TTC39C: variants seen among roughly 807,000 people sequenced by gnomAD.
The protein encoded by TTC39C is tetratricopeptide repeat protein 39C.
A neutral mutation model predicts 76.3 loss-of-function variants in TTC39C; 33 were observed. The observed-to-expected ratio is 0.43, with a 90% CI of 0.33 to 0.58. The LOEUF is 0.58. Among genes scored for constraint, TTC39C ranks in the 20% least tolerant of loss-of-function variants. The pLI is 0.04. For missense variants in TTC39C, 595 were observed against 701.4 expected (o/e 0.85, Z 1.71); for synonymous variants, 254 against 260.6 (o/e 0.97, Z 0.24).
intron 12 of TTC39C, among the ~76,000 whole-genome samples, chr18:24,131,611 C>T (rs904749931): frequency 3.3e-5 from 5 of 150,558 alleles, no homozygotes; most frequent in African/African-American, 1.2e-4. Flanking sequence ...GAGGCTAAGG[C>T]AGGAGAATTG....
At chr18:24,131,571 T>A (rs1418211806) in intron 12 of TTC39C, among the ~76,000 whole-genome samples, 1 of 151,992 alleles carries the variant, frequency 6.6e-6, no homozygotes, top group Admixed American at 6.6e-5. Flanking sequence ...CTGGGCATAG[T>A]GGCAGGTGCC....
chr18:24,080,508 T>A, intron 4 of TTC39C, 77 bp from the exon 5 acceptor site: 1 of 1,127,122 alleles, frequency 8.9e-7, no homozygotes, highest in Non-Finnish European at 1.2e-6. Context: ...TTCAGGTTAC[T>A]GTTCAGTATC....
chr18:23,995,463 C>CT (rs1450584478), intron 1 of TTC39C, among the ~76,000 whole-genome samples: 2 of 151,978 alleles, frequency 1.3e-5, no homozygotes, highest in African/African-American at 4.8e-5. Context: ...GAGTGAGACT[C>CT]TGTCTCTAAA....
rs2085038242 is a variant in TTC39C at position 24,125,504 on chromosome 18, A to G, written c.1374A>G (p.Lys458=). The change falls in exon 10 of 14, where the codon AAA becomes AAG. Residue 458 remains lysine (K), a synonymous_variant. Coordinates refer to ENST00000317571, the MANE Select transcript of TTC39C (RefSeq NM_001135993.2). ...CTATTGAAGTGTTGTACTTGTGGAA[A>G]GCTCTTCCAAACTGTTCCTTCCCCA... ...LASIEVLYLW[K]ALPNCSFPNL... 2 of 1,614,072 alleles carry G rather than the reference A, an allele frequency of 1.2e-6. No individual in the cohort carries two copies. The highest frequency in any genetic ancestry group is 1.3e-5 in the African/African-American group (1 of 74,922).
intron 4 of TTC39C, among the ~76,000 whole-genome samples, chr18:24,077,582 A>T (rs993174054): frequency 2.0e-5 from 3 of 151,864 alleles, no homozygotes; most frequent in African/African-American, 7.3e-5. Context: ...ATTAGGCGGG[A>T]TTGGACAATG....
At chr18:24,083,154 G>A in intron 6 of TTC39C, 73 bp downstream of exon 6, 1 of 1,443,916 alleles carries the variant, frequency 6.9e-7, no homozygotes, top group Non-Finnish European at 9.3e-7. Flanking sequence ...TTGAGGACTG[G>A]TATTAAAACG....
At chr18:24,110,375 A>G (rs561928900) in intron 6 of TTC39C, among the ~76,000 whole-genome samples, 1 of 152,340 alleles carries the variant, frequency 6.6e-6, no homozygotes, top group Non-Finnish European at 1.5e-5. Context: ...GTGTGCTGTT[A>G]TAAGTATTTT....
intron 5 of TTC39C, among the ~76,000 whole-genome samples, chr18:24,082,336 C>G (rs569092622): frequency 1.3e-5 from 2 of 152,054 alleles, no homozygotes; most frequent in Non-Finnish European, 2.9e-5. Flanking sequence ...CTTATTTTAA[C>G]CCAACTTAGT....
intron 6 of TTC39C, among the ~76,000 whole-genome samples, chr18:24,086,491 G>T (rs371599685): frequency 6.6e-6 from 1 of 152,170 alleles, no homozygotes; most frequent in Non-Finnish European, 1.5e-5. Context: ...CCACAGATCT[G>T]CTCCTGTCGT....
At chr18:24,123,517 C>T (rs543894669) in intron 8 of TTC39C, 26 of 191,290 alleles carry the variant, frequency 1.4e-4, no homozygotes, top group Middle Eastern at 2.1e-3. Flanking sequence ...AGCGATTCTC[C>T]TGCCTTAGCC....
At chr18:24,017,739 A>G (rs1053184876) in intron 1 of TTC39C, among the ~76,000 whole-genome samples, 6 of 152,222 alleles carry the variant, frequency 3.9e-5, no homozygotes, top group Non-Finnish European at 8.8e-5. Flanking sequence ...TTTTATCTAC[A>G]TAACAGGGAT....
intron 12 of TTC39C, among the ~76,000 whole-genome samples, chr18:24,131,162 T>C (rs1599356031): frequency 6.7e-6 from 1 of 150,306 alleles, no homozygotes; most frequent in Admixed American, 6.6e-5. Context: ...TGAGCCATGA[T>C]TGTGCCACTG....
rs1250470731 is a variant in TTC39C, at chr18:24,082,770, G to C, written c.816-143G>C. ...AAATATTAACATTAAAATGGGGAAAGTCTCTGATTTTACTTCTTCAGAGAC... is the reference window on the plus strand; with the variant it reads ...AAATATTAACATTAAAATGGGGAAACTCTCTGATTTTACTTCTTCAGAGAC... On this transcript the variant is annotated intron_variant, in intron 5 of 13. Transcript: ENST00000317571. The C allele has an allele frequency of 5.0e-6, 4 of 801,698 alleles. No homozygotes were observed. The East Asian group carries it at 8.1e-5, about 16-fold the overall frequency. 49.7% of individuals were successfully genotyped at this position (801,698 alleles called of 1,614,324 possible). A position where few individuals can be genotyped will look rare whatever the true frequency, so the allele number is the denominator to read the frequency against.
intron 1 of TTC39C, among the ~76,000 whole-genome samples, chr18:24,032,090 C>T (rs993585800): frequency 1.3e-5 from 2 of 152,128 alleles, no homozygotes; most frequent in African/African-American, 4.8e-5. Flanking sequence ...CAGCCAGTCA[C>T]CAGAGGATGG....
At chr18:24,051,374 T>C (rs565163491) in intron 1 of TTC39C, among the ~76,000 whole-genome samples, 16 of 152,326 alleles carry the variant, frequency 1.1e-4, no homozygotes, top group African/African-American at 3.8e-4. Context: ...GCAGTGGCTG[T>C]AAATGCAAAC....
chr18:23,998,810 G>GGTTCTAAATAGAGATA (rs149626712), intron 1 of TTC39C, among the ~76,000 whole-genome samples: 1 of 151,824 alleles, frequency 6.6e-6, no homozygotes, highest in Non-Finnish European at 1.5e-5. Context: ...GCATGAAGCT[G>GGTTCTAAATAGAGATA]GTGGAGCTCT....
rs190484710 is a variant in TTC39C at position 24,111,645 on chromosome 18, G to A, written c.985-2909G>A. Among the ~76,000 whole-genome samples the A allele has an allele frequency of 1.5e-4, 22 of 151,486 alleles. No individual in the cohort carries two copies. The East Asian group carries it at 1.6e-3, about 11-fold the overall frequency. ...CATGGTGGCTTATGCTTATAATCCC[G>A]GGACTTTGGGAAGCCGAGGTGGAAG... On this transcript the variant is annotated intron_variant, in intron 6 of 13. Coordinates refer to ENST00000317571, the MANE Select transcript of TTC39C (RefSeq NM_001135993.2).
rs187327417 is a variant in TTC39C, at chr18:24,041,446, G to A, written c.168-22694G>A. On this transcript the variant is annotated intron_variant, in intron 1 of 13. Coordinates refer to ENST00000317571, the MANE Select transcript of TTC39C (RefSeq NM_001135993.2). ...AAGCACAAGCCAATAGTCCAGCAGC[G>A]TGTTAACCGTGTAAGAGAAGGGCCA... Among the ~76,000 whole-genome samples the A allele has an allele frequency of 3.9e-5, 6 of 152,330 alleles. No homozygotes were observed. In the East Asian group the frequency reaches 7.7e-4, roughly 20 times the overall value.
At chr18:24,101,977 C>A (rs2084681760) in intron 6 of TTC39C, among the ~76,000 whole-genome samples, 1 of 152,174 alleles carries the variant, frequency 6.6e-6, no homozygotes, top group African/African-American at 2.4e-5. Context: ...AGGCTCATCT[C>A]AAAATGGGGT....
Sources: gnomAD v4.1 joint callset for allele counts (sites outside exome capture counted in the v4.1 genomes callset) on GRCh38, gnomAD v4.1.1 for gene constraint, MANE v1.5 for transcripts, NCBI Gene and HGNC (gene_info 2026-07-23, HGNC 2026-07-21) for gene names.